Variants in DMD observed in about 807,000 individuals in gnomAD.
DMD encodes the protein mutant dystrophin.
Under a neutral mutation model 330.1 loss-of-function variants are expected in DMD, and 63 were observed. The ratio of observed to expected loss-of-function variants is 0.19; its 90% CI spans 0.16 to 0.24. The LOEUF (loss-of-function observed/expected upper bound fraction) is 0.24, where lower values mean the gene tolerates loss of function less well. Among genes scored for constraint, DMD ranks in the 10% least tolerant of loss-of-function variants. The pLI, the probability that DMD is intolerant of heterozygous loss-of-function variation, is 1.00. For missense variants in DMD, 3,344 were observed against 2,684.1 expected (o/e 1.25, Z -5.43); for synonymous variants, 1,223 against 959.8 (o/e 1.27, Z -5.07).
intron 63 of DMD, among the ~76,000 whole-genome samples, chrX:31,249,738 GGTGTCTCTCACTATCTGAATTCTT>G (rs2049162853): frequency 9.1e-6 from 1 of 110,361 alleles, no homozygotes; most frequent in Non-Finnish European, 1.9e-5. Context: ...CCTAAACCTA[GGTGTCTCTCACTATCTGAATTCTT>G]GGTATCTCAA....
At chrX:32,340,782 G>A (rs779334756) in intron 41 of DMD, among the ~76,000 whole-genome samples, 26 of 111,764 alleles carry the variant, frequency 2.3e-4, no homozygotes, top group Non-Finnish European at 4.1e-4. Context: ...TTAGTGTAAG[G>A]TTATTTATGA....
At chrX:32,218,494 T>C (rs1336234118) in intron 43 of DMD, among the ~76,000 whole-genome samples, 2 of 111,778 alleles carry the variant, frequency 1.8e-5, no homozygotes, top group African/African-American at 6.5e-5. Context: ...TAAGAAGCAA[T>C]GGATCATACT....
chrX:32,400,581 T>C (rs1453660126), intron 30 of DMD, among the ~76,000 whole-genome samples: 6 of 110,560 alleles, frequency 5.4e-5, no homozygotes, highest in Non-Finnish European at 5.7e-5. Flanking sequence ...CATGAAAAAA[T>C]GCTCATCATC....
chrX:32,616,557 G>GT (rs2057581139), intron 11 of DMD, among the ~76,000 whole-genome samples: 1 of 110,144 alleles, frequency 9.1e-6, no homozygotes, highest in Admixed American at 9.7e-5. Context: ...TCCCATCAGT[G>GT]TTTTTTGTTT....
intron 43 of DMD, among the ~76,000 whole-genome samples, chrX:32,249,347 C>A (rs1224187614): frequency 9.0e-6 from 1 of 111,461 alleles, no homozygotes; most frequent in Non-Finnish European, 1.9e-5. Context: ...CAAAAAAATA[C>A]AAAGCTTATC....
chrX:32,175,986 C>T (rs1009902050), intron 44 of DMD, among the ~76,000 whole-genome samples: 3 of 111,444 alleles, frequency 2.7e-5, no homozygotes, highest in African/African-American at 9.8e-5. Context: ...ATAACTCATC[C>T]TCTTCCTAAT....
intron 9 of DMD, among the ~76,000 whole-genome samples, chrX:32,648,055 C>T: frequency 8.9e-6 from 1 of 111,904 alleles, no homozygotes; most frequent in East Asian, 2.8e-4. Flanking sequence ...ATACTTTACA[C>T]TGTGCAATTT....
chrX:31,586,278 T>C (rs1465776018), intron 55 of DMD, among the ~76,000 whole-genome samples: 1 of 112,491 alleles, frequency 8.9e-6, no homozygotes, highest in Non-Finnish European at 1.9e-5. Flanking sequence ...CAAAGATAAA[T>C]ATACAAAGGA....
intron 30 of DMD, among the ~76,000 whole-genome samples, chrX:32,400,864 A>G (rs1210918654): frequency 2.7e-5 from 3 of 109,203 alleles, no homozygotes; most frequent in African/African-American, 1.0e-4. Context: ...TCATGCTGCT[A>G]TAAAGACACA....
intron 34 of DMD, among the ~76,000 whole-genome samples, chrX:32,365,671 C>A (rs1344050563): frequency 1.8e-5 from 2 of 111,196 alleles, no homozygotes; most frequent in Non-Finnish European, 3.8e-5. Flanking sequence ...CTTTTAAATG[C>A]ATAAAACAAA....
rs760300155 is a variant in DMD, at chrX:31,390,796, G to A, written c.9085-42162C>T. On this transcript the variant is annotated intron_variant, in intron 60 of 78. Transcript: ENST00000357033. Reference sequence around the variant, plus strand: ...ATTCAATCTCTCATTTATACAGCAGGTCCATCAGATTGTATGATGTTTTGC... The same window carrying A: ...ATTCAATCTCTCATTTATACAGCAGATCCATCAGATTGTATGATGTTTTGC... Among the ~76,000 whole-genome samples, 8 of 111,641 alleles carry A rather than the reference G, an allele frequency of 7.2e-5. No homozygotes were observed. In the South Asian group the frequency reaches 3.1e-3, roughly 43 times the overall value.
intron 48 of DMD, among the ~76,000 whole-genome samples, chrX:31,861,946 T>TACACACACAC (rs60169449): frequency 0.01 from 897 of 87,938 alleles, 17 homozygotes; most frequent in African/African-American, 0.03. Context: ...GAAAATAATA[T>TACACACACAC]ACACACACAC....
intron 11 of DMD, among the ~76,000 whole-genome samples, chrX:32,628,078 T>G (rs1490738435): frequency 9.2e-6 from 1 of 108,145 alleles, no homozygotes; most frequent in Admixed American, 1.0e-4. Context: ...TTTTAAAACG[T>G]ACAACAAATT....
intron 43 of DMD, among the ~76,000 whole-genome samples, chrX:32,232,781 C>A (rs2097173411): frequency 8.9e-6 from 1 of 111,931 alleles, no homozygotes; most frequent in African/African-American, 3.2e-5. Context: ...AGAGCAGATT[C>A]TTTTCTATCA....
intron 55 of DMD, among the ~76,000 whole-genome samples, chrX:31,620,082 G>C (rs983361458): frequency 4.5e-5 from 5 of 111,055 alleles, no homozygotes; most frequent in Admixed American, 9.6e-5. Context: ...AGGAATTCAG[G>C]GTCCCAAAAT....
intron 2 of DMD, among the ~76,000 whole-genome samples, chrX:32,934,007 G>T (rs986108404): frequency 9.0e-6 from 1 of 111,159 alleles, no homozygotes; most frequent in Non-Finnish European, 1.9e-5. Flanking sequence ...GACCAATTTT[G>T]TTGCTACTAA....
At chrX:32,993,428 AC>A (rs1383391470) in intron 2 of DMD, among the ~76,000 whole-genome samples, 6 of 109,625 alleles carry the variant, frequency 5.5e-5, no homozygotes, top group African/African-American at 2.0e-4. Context: ...ACACGGTGAA[AC>A]CCCGTCTCTA....
At chrX:32,205,005 T>TCTCTCTCACACACACACA (rs60181300) in intron 44 of DMD, among the ~76,000 whole-genome samples, 40 of 29,203 alleles carry the variant, frequency 1.4e-3, no homozygotes, top group Admixed American at 0.012. Flanking sequence ...TCTCTCTCTC[T>TCTCTCTCACACACACACA]CACATACACA....
chrX:31,284,858 A>ACACACC (rs1220522101), intron 62 of DMD, among the ~76,000 whole-genome samples: 2 of 97,560 alleles, frequency 2.1e-5, no homozygotes, highest in Non-Finnish European at 4.1e-5. Context: ...ACACACACAC[A>ACACACC]CACACCCACA....
Sources: allele counts gnomAD v4.1 joint callset (sites outside exome capture counted in the v4.1 genomes callset), GRCh38; gene constraint gnomAD v4.1.1; transcripts MANE v1.5; gene names NCBI Gene and HGNC (gene_info 2026-07-23, HGNC 2026-07-21).